Variants in FRMPD1 observed in about 807,000 individuals in gnomAD.
FRMPD1 encodes FERM and PDZ domain containing 1, also known as FERM and PDZ domain-containing protein 1.
Under a neutral mutation model 117.8 loss-of-function variants are expected in FRMPD1, and 76 were observed. That is an observed-to-expected ratio of 0.65 (90% confidence interval 0.54 to 0.78). FRMPD1 has a LOEUF of 0.78. FRMPD1 is among the 30% of genes least tolerant of loss of function. The pLI is 0.00. For missense variants in FRMPD1, 1,786 were observed against 1,964.5 expected, an observed-to-expected ratio of 0.91 and a Z score of 1.72; for synonymous variants, 783 against 770.4, an observed-to-expected ratio of 1.02 and a Z score of -0.27.
chr9:37,711,487 G>A, intron 5 of FRMPD1, 92 bp downstream of exon 5: 1 of 1,009,950 alleles, frequency 9.9e-7, no homozygotes, highest in Non-Finnish European at 1.6e-6. Context: ...AAAGTAAGCG[G>A]GGAAGGCAAA....
chr9:37,704,185 C>T (rs1822622441), intron 2 of FRMPD1, among the ~76,000 whole-genome samples: 1 of 152,144 alleles, frequency 6.6e-6, no homozygotes, highest in African/African-American at 2.4e-5. Context: ...TACTTTTCAA[C>T]TGTAACTTTT....
intron 1 of FRMPD1, among the ~76,000 whole-genome samples, chr9:37,679,972 C>T (rs1396323317): frequency 6.6e-6 from 1 of 152,192 alleles, no homozygotes; most frequent in Non-Finnish European, 1.5e-5. Context: ...CATTGGTGTT[C>T]GTTTCAGCCC....
the FRMPD1 span, among the ~76,000 whole-genome samples, chr9:37,645,070 G>A: frequency 6.7e-6 from 1 of 150,328 alleles, no homozygotes; most frequent in African/African-American, 2.4e-5. Flanking sequence ...CTTCTTCTGG[G>A]GAGCTGATCT....
intron 1 of FRMPD1, among the ~76,000 whole-genome samples, chr9:37,687,825 T>C (rs1180095680): frequency 6.6e-6 from 1 of 152,204 alleles, no homozygotes; most frequent in Non-Finnish European, 1.5e-5. Flanking sequence ...ATGAAAAATG[T>C]TGAGCTGTGC....
In FRMPD1 at chr9:37,746,222, G is replaced by T. The variant is rs751549157; in HGVS notation, c.4190G>T (p.Ser1397Ile). The T allele has an allele frequency of 1.2e-6, 2 of 1,613,076 alleles. No individual in the cohort carries two copies. The highest frequency in any genetic ancestry group is 1.7e-6 in the Non-Finnish European group (2 of 1,179,908). Residue 1397 changes from serine to isoleucine, a missense_variant, in exon 16 of 16, where the codon AGC becomes ATC. Physicochemically the swap from Ser to Ile is moderately radical, Grantham distance 142 (BLOSUM62 -2). Transcript: ENST00000377765. ...ACCACCGCACCCCTGTCGAGGAAAA[G>T]CCACATCTGGCCAGAGTACTGCTCC... ...SCTTAPLSRK[S>I]HIWPEYCSRA...
intron 1 of FRMPD1, among the ~76,000 whole-genome samples, chr9:37,661,408 G>A (rs1330383746): frequency 6.6e-6 from 1 of 152,134 alleles, no homozygotes; most frequent in African/African-American, 2.4e-5. Context: ...AATGACCCCT[G>A]TTTTCCACCT....
At chr9:37,643,777 C>T in the FRMPD1 span, among the ~76,000 whole-genome samples, 1 of 152,004 alleles carries the variant, frequency 6.6e-6, no homozygotes, top group Non-Finnish European at 1.5e-5. Flanking sequence ...AATAGTTCAG[C>T]GATCATGAAA....
the FRMPD1 span, among the ~76,000 whole-genome samples, chr9:37,644,311 G>A: frequency 6.6e-6 from 1 of 152,204 alleles, no homozygotes; most frequent in East Asian, 1.9e-4. Context: ...AGGATTGAAA[G>A]CCTTCACTGC....
chr9:37,651,210 G>C (rs1346973778), intron 1 of FRMPD1, 116 bp downstream of exon 1: 2 of 153,054 alleles, frequency 1.3e-5, no homozygotes, highest in African/African-American at 4.8e-5. Flanking sequence ...AGTCCCGGGT[G>C]ACCCGCGCCC....
rs758787265 is a variant in FRMPD1, at chr9:37,708,349, G to C, written c.260-50G>C. On this transcript the variant is annotated intron_variant, in intron 3 of 15. Transcript: ENST00000377765. ...TAACTGTGCCGCTATTACACATAGA[G>C]TCTGGGTCCTCCCGGCATGAGCACC... 1.7e-5 allele frequency: 19 copies of C among 1,135,542 alleles called. No homozygotes were observed. The South Asian group carries it at 2.3e-4, about 13-fold the overall frequency. 70.3% of individuals were successfully genotyped at this position (1,135,542 alleles called of 1,614,324 possible). A position where few individuals can be genotyped will look rare whatever the true frequency, so the allele number is the denominator to read the frequency against.
chr9:37,723,912 T>C (rs1823504176), intron 6 of FRMPD1, among the ~76,000 whole-genome samples: 1 of 151,742 alleles, frequency 6.6e-6, no homozygotes, highest in Non-Finnish European at 1.5e-5. Context: ...ACAGGAGAAT[T>C]TGCTTGAACC....
upstream of FRMPD1, among the ~76,000 whole-genome samples, chr9:37,647,267 T>C (rs1342069603): frequency 6.6e-6 from 1 of 151,972 alleles, no homozygotes; most frequent in Non-Finnish European, 1.5e-5. Context: ...CCCAGCACTT[T>C]GGGAGGTCGA....
chr9:37,742,189 C>A (rs1178095914), intron 15 of FRMPD1, among the ~76,000 whole-genome samples: 1 of 152,208 alleles, frequency 6.6e-6, no homozygotes, highest in African/African-American at 2.4e-5. Context: ...TTGACTGTAC[C>A]TCTAAGGAAA....
intron 14 of FRMPD1, among the ~76,000 whole-genome samples, chr9:37,737,908 G>A (rs542426637): frequency 7.2e-5 from 11 of 151,804 alleles, no homozygotes; most frequent in African/African-American, 2.7e-4. Flanking sequence ...TAGATGACCT[G>A]GCTTCTCTTC....
chr9:37,696,536 TC>T (rs1004516162), intron 2 of FRMPD1, among the ~76,000 whole-genome samples: 17 of 152,190 alleles, frequency 1.1e-4, no homozygotes, highest in African/African-American at 4.1e-4. Flanking sequence ...AAAATGCACA[TC>T]CCTCCTTCTT....
intron 14 of FRMPD1, among the ~76,000 whole-genome samples, chr9:37,738,413 C>T (rs866488841): frequency 2.2e-4 from 34 of 152,212 alleles, no homozygotes; most frequent in Middle Eastern, 6.8e-3. Context: ...AATCTTGGCT[C>T]ACTGCAGCCT....
chr9:37,659,730 G>A (rs1368532760), intron 1 of FRMPD1, among the ~76,000 whole-genome samples: 1 of 152,002 alleles, frequency 6.6e-6, no homozygotes, highest in African/African-American at 2.4e-5. Flanking sequence ...TGACAACCCT[G>A]TAAGGGCATA....
At chr9:37,668,400 G>A (rs1563924011) in intron 1 of FRMPD1, 1 of 152,300 alleles carries the variant, frequency 6.6e-6, no homozygotes, top group African/African-American at 2.4e-5. Flanking sequence ...TGGGCTTATC[G>A]ATGAGCTATG....
chr9:37,654,997 C>G (rs926167657), intron 1 of FRMPD1, among the ~76,000 whole-genome samples: 2 of 152,194 alleles, frequency 1.3e-5, no homozygotes, highest in African/African-American at 2.4e-5. Flanking sequence ...TTCCCTGCCC[C>G]CGGAGGTGCT....
Sources: allele counts gnomAD v4.1 joint callset (sites outside exome capture counted in the v4.1 genomes callset), GRCh38; gene constraint gnomAD v4.1.1; transcripts MANE v1.5; gene names NCBI Gene and HGNC (gene_info 2026-07-23, HGNC 2026-07-21).